The following ADAM19 variants were observed in gnomAD, a reference collection of about 807,000 sequenced individuals.
ADAM19 encodes disintegrin and metalloproteinase domain-containing protein 19.
In ADAM19, 65 loss-of-function variants were observed where a neutral mutation model predicts 114.7. That is an observed-to-expected ratio of 0.57 (90% CI 0.46 to 0.70). ADAM19 has a LOEUF of 0.70. Ranked by LOEUF, ADAM19 falls within the 30% of genes least tolerant of loss-of-function variation. The pLI, the probability that ADAM19 is intolerant of heterozygous loss-of-function variation, is 0.00. For missense variants in ADAM19, 1,063 were observed against 1,204.7 expected (o/e 0.88, Z 1.74); for synonymous variants, 466 against 460.5 (o/e 1.01, Z -0.15).
rs533810177 is a variant in ADAM19, at chr5:157,490,285, A to C, written c.2240+25T>G. The C allele has an allele frequency of 6.8e-6, 11 of 1,612,968 alleles. No individual in the cohort carries two copies. In the African/African-American group the frequency reaches 1.5e-4, roughly 21 times the overall value. Reference sequence around the variant, plus strand: ...CTTTGTGACCCATAAATTGACCCTGAGTCCTCCATTGAACCCTGTCATACC... The same window carrying C: ...CTTTGTGACCCATAAATTGACCCTGCGTCCTCCATTGAACCCTGTCATACC... On this transcript the variant is annotated intron_variant, in intron 19 of 22. Transcript: ENST00000257527.
In ADAM19 at chr5:157,491,919, G is replaced by A. The variant is rs369351955; in HGVS notation, c.1909-7C>T. The A allele has an allele frequency of 6.7e-5, 108 of 1,613,882 alleles. 2 individuals are homozygous for A. The highest frequency in any genetic ancestry group is 2.3e-4 in the African/African-American group (17 of 75,036). Reference sequence around the variant, plus strand: ...ACTGCCCCTCAAAGCAAATCTGCACGGAGAGAAAACAGAACGATCAGTGCA... The same window carrying A: ...ACTGCCCCTCAAAGCAAATCTGCACAGAGAGAAAACAGAACGATCAGTGCA... On this transcript the variant is annotated splice_polypyrimidine_tract_variant and splice_region_variant and intron_variant, in intron 16 of 22. Coordinates refer to ENST00000257527, the MANE Select transcript of ADAM19 (RefSeq NM_033274.5).
intron 4 of ADAM19, among the ~76,000 whole-genome samples, chr5:157,535,978 GA>G (rs1756751931): frequency 6.6e-6 from 1 of 152,206 alleles, no homozygotes; most frequent in Non-Finnish European, 1.5e-5. Context: ...CTCAAGAAGA[GA>G]GGAAAAGTTT....
At chr5:157,486,724 A>G (rs1171111890) in intron 21 of ADAM19, among the ~76,000 whole-genome samples, 1 of 151,770 alleles carries the variant, frequency 6.6e-6, no homozygotes, top group Non-Finnish European at 1.5e-5. Context: ...TGTAACCCCA[A>G]GTCTCTACAC....
intron 3 of ADAM19, among the ~76,000 whole-genome samples, chr5:157,549,248 C>T (rs1757126852): frequency 6.6e-6 from 1 of 152,174 alleles, no homozygotes; most frequent in Non-Finnish European, 1.5e-5. Context: ...GAGAATGCAA[C>T]TCAAAGTCAA....
In ADAM19 at chr5:157,497,073, G is replaced by A. The variant is rs767200476; in HGVS notation, c.1415C>T (p.Thr472Ile). ...CHQCKLLAPG[T>I]LCREQARQCD... ...CTGCCTGGCCTGCTCGCGGCACAGG[G>A]TCCCAGGAGCCAACAGCTGAGCCAA... The change falls in exon 14 of 23, where the codon ACC (threonine) becomes ATC (isoleucine). Residue 472 changes from threonine to isoleucine, a missense_variant. Physicochemically the swap from Thr to Ile is moderately conservative, Grantham distance 89. Transcript: ENST00000257527. 6.6e-7 allele frequency: 1 copy of A among 1,526,622 alleles called. No homozygotes were observed. Among genetic ancestry groups the A allele is most frequent in the Non-Finnish European group, 8.7e-7 (1 of 1,143,722 alleles). 94.6% of individuals were successfully genotyped at this position (1,526,622 alleles called of 1,614,324 possible). A position where few individuals can be genotyped will look rare whatever the true frequency, so the allele number is the denominator to read the frequency against.
intron 5 of ADAM19, among the ~76,000 whole-genome samples, chr5:157,523,975 C>T (rs961501647): frequency 2.0e-5 from 3 of 152,228 alleles, no homozygotes; most frequent in Non-Finnish European, 4.4e-5. Flanking sequence ...GATTCTGTGG[C>T]CACTTCCCTC....
At chr5:157,527,144 G>A (rs1243443918) in intron 5 of ADAM19, among the ~76,000 whole-genome samples, 1 of 152,194 alleles carries the variant, frequency 6.6e-6, no homozygotes, top group Non-Finnish European at 1.5e-5. Context: ...GGATGGCAAA[G>A]GGAAAGCAAG....
chr5:157,532,966 G>A (rs1272847234), intron 4 of ADAM19, among the ~76,000 whole-genome samples: 4 of 152,164 alleles, frequency 2.6e-5, no homozygotes, highest in East Asian at 1.9e-4. Context: ...GTACTTGGCC[G>A]AGAGTGGCAG....
intron 5 of ADAM19, among the ~76,000 whole-genome samples, 200 bp from the exon 6 acceptor site, chr5:157,520,231 A>G (rs1033116117): frequency 6.6e-6 from 1 of 152,142 alleles, no homozygotes; most frequent in Non-Finnish European, 1.5e-5. Flanking sequence ...GCACTTATAC[A>G]TAAAAAGTGG....
At chr5:157,510,414 C>T (rs749009085) in intron 8 of ADAM19, among the ~76,000 whole-genome samples, 4 of 152,160 alleles carry the variant, frequency 2.6e-5, no homozygotes, top group Non-Finnish European at 4.4e-5. Context: ...GCAGGGGTTG[C>T]GGTGAGCCAA....
At position 157,477,831 on chromosome 5, in the gene ADAM19, CA is replaced by C. The variant is rs1422961660; in HGVS notation, c.*3117del. The stretch of plus-strand genomic sequence containing the variant: ...AGGAGGTGGGGAGGGGCTATTGCTT[CA>C]GGGGGAAGGGACTATGGCAATACAA... On this transcript the variant is annotated 3_prime_UTR_variant, in exon 23 of 23. Coordinates refer to ENST00000257527, the MANE Select transcript of ADAM19 (RefSeq NM_033274.5). 4 of 805,310 alleles carry C rather than the reference CA, an allele frequency of 5.0e-6. No homozygotes were observed. Among genetic ancestry groups the C allele is most frequent in the Non-Finnish European group, 5.4e-6 (3 of 550,954 alleles). The allele number at this position is 805,310 out of a possible 1,614,324, so 49.9% of individuals were successfully genotyped here.
chr5:157,488,287 G>A lies in ADAM19; in HGVS notation c.2528C>T (p.Ala843Val). Residue 843 changes from alanine (A) to valine (V), a missense_variant, in exon 21 of 23, where the codon GCA becomes GTA. Ala to Val is a moderately conservative substitution (Grantham distance 64). Around this residue, in one of 3 missense-constraint regions of ADAM19, gnomAD observed 424 missense variants for 445.5 expected, o/e 0.95. Transcript: ENST00000257527. ...TACCTGGGAAACGATGCAATTTGGT[G>A]CGGGGGGAATTGGCCGGCTTGGAGG... ...RPPPSRPIPP[A>V]PNCIVSQDFS... The A allele has an allele frequency of 6.2e-7, 1 of 1,613,996 alleles. No individual in the cohort carries two copies.
chr5:157,480,843 G>A lies in ADAM19; in HGVS notation c.*106C>T. On this transcript the variant is annotated 3_prime_UTR_variant, in exon 23 of 23. Coordinates refer to ENST00000257527, the MANE Select transcript of ADAM19 (RefSeq NM_033274.5). The stretch of plus-strand genomic sequence containing the variant: ...ATGTGGAGGTTCCTGGAGGAGGGTG[G>A]GAGGAGCTCAGAGGCGGCCAGACAT... 1 of 1,566,822 alleles carries A rather than the reference G, an allele frequency of 6.4e-7. No homozygotes were observed. The highest frequency in any genetic ancestry group is 8.6e-7 in the Non-Finnish European group (1 of 1,158,636).
At chr5:157,526,723 C>T (rs112489909) in intron 5 of ADAM19, among the ~76,000 whole-genome samples, 87 of 151,840 alleles carry the variant, frequency 5.7e-4, no homozygotes, top group African/African-American at 1.9e-3. Flanking sequence ...CGGGTTCAAA[C>T]GGTTCTCCTG....
At chr5:157,481,025 G>C (rs377717733) in intron 22 of ADAM19, 23 bp from the exon 23 acceptor site, 2 of 1,614,010 alleles carry the variant, frequency 1.2e-6, no homozygotes, top group Non-Finnish European at 1.7e-6. Context: ...AGAAGGGAGG[G>C]AGAGAGACAT....
chr5:157,500,434 C>T (rs966820202), intron 12 of ADAM19, among the ~76,000 whole-genome samples: 1 of 152,130 alleles, frequency 6.6e-6, no homozygotes, highest in Non-Finnish European at 1.5e-5. Flanking sequence ...GCGTATTTCT[C>T]CCTGTAACCA....
At chr5:157,542,674 G>A (rs192118793) in intron 3 of ADAM19, among the ~76,000 whole-genome samples, 118 of 152,336 alleles carry the variant, frequency 7.7e-4, no homozygotes, top group East Asian at 7.1e-3. Context: ...GTGTGGTGGC[G>A]CGCACCTGTA....
At chr5:157,536,592 C>G (rs1756773080) in intron 4 of ADAM19, among the ~76,000 whole-genome samples, 1 of 152,156 alleles carries the variant, frequency 6.6e-6, no homozygotes, top group East Asian at 1.9e-4. Flanking sequence ...CGCACCACTG[C>G]ACTCCAGCCT....
chr5:157,575,207 C>T (rs1757938353), intron 1 of ADAM19, among the ~76,000 whole-genome samples: 2 of 152,114 alleles, frequency 1.3e-5, no homozygotes, highest in South Asian at 4.1e-4. Context: ...GGATGCTCGG[C>T]GTTGGCGAGT....
Sources: gnomAD v4.1 joint callset for allele counts (sites outside exome capture counted in the v4.1 genomes callset) on GRCh38, gnomAD v4.1.1 for gene constraint, gnomAD v4.1.1 regional missense constraint, MANE v1.5 for transcripts, NCBI Gene and HGNC (gene_info 2026-07-23, HGNC 2026-07-21) for gene names.